The following COPS2 variants were observed in gnomAD, a reference collection of about 807,000 sequenced individuals.
The protein encoded by COPS2 is COP9 signalosome subunit 2, also known as COP9 signalosome complex subunit 2.
Under a neutral mutation model 66.1 loss-of-function variants are expected in COPS2, and 10 were observed. The ratio of observed to expected loss-of-function variants is 0.15; its 90% CI spans 0.09 to 0.26. COPS2 has a LOEUF of 0.26. COPS2 is among the 10% of genes least tolerant of loss of function. The pLI, the probability that COPS2 is intolerant of heterozygous loss-of-function variation, is 1.00. For missense variants in COPS2, 215 were observed against 513.3 expected, an observed-to-expected ratio of 0.42 and a Z score of 5.62; for synonymous variants, 179 against 171.3, an observed-to-expected ratio of 1.04 and a Z score of -0.35.
chr15:49,138,070 A>G (rs780876188), intron 4 of COPS2, among the ~76,000 whole-genome samples: 48 of 152,252 alleles, frequency 3.2e-4, no homozygotes, highest in Non-Finnish European at 6.6e-4. Flanking sequence ...ATAGCTTTTA[A>G]GTCACTGGTA....
intron 6 of COPS2, 31 bp from the exon 7 acceptor site, chr15:49,134,545 G>C (rs1371649922): frequency 6.5e-7 from 1 of 1,528,968 alleles, no homozygotes; most frequent in South Asian, 1.2e-5. Flanking sequence ...CTTTAGACAA[G>C]ATAGAATTCA....
chr15:49,137,480 T>C (rs2084261623), intron 4 of COPS2, 43 bp from the exon 5 acceptor site: 1 of 1,374,402 alleles, frequency 7.3e-7, no homozygotes, highest in African/African-American at 1.4e-5. Flanking sequence ...AACAGCAAAT[T>C]TGTACCTGTT....
rs2084148968 is a variant in COPS2 at position 49,124,451 on chromosome 15, A to T, written c.*3499T>A. ...AGGATGCTGATTTGGGGGAAAAAAA[A>T]ACCTAAAACAATGAAAACTAAAAGA... On this transcript the variant is annotated 3_prime_UTR_variant, in exon 13 of 13. Transcript: ENST00000388901. 1 of 152,076 alleles carries T rather than the reference A, an allele frequency of 6.6e-6. No individual in the cohort carries two copies. The highest frequency in any genetic ancestry group is 2.1e-4 in the South Asian group (1 of 4,824). 9.4% of individuals were successfully genotyped at this position (152,076 alleles called of 1,614,324 possible).
chr15:49,132,910 C>T (rs1174355275), intron 9 of COPS2, among the ~76,000 whole-genome samples: 2 of 151,912 alleles, frequency 1.3e-5, no homozygotes. Flanking sequence ...CAGAATCATT[C>T]AATAAATCTT....
In COPS2 at chr15:49,139,602, G is replaced by A. The variant is rs745372669; in HGVS notation, c.298C>T (p.Arg100Trp). 2 of 1,601,546 alleles carry A rather than the reference G, an allele frequency of 1.2e-6. No individual in the cohort carries two copies. The highest frequency in any genetic ancestry group is 1.7e-5 in the Admixed American group (1 of 59,144). ...NRYKQLLTYI[R>W]SAVTRNYSEK... ...GAATAATTTCTTGTGACTGCACTCC[G>A]AATATAGGTCAATAGCTGCTTATAT... The change falls in exon 4 of 13, where the codon CGG (arginine) becomes TGG (tryptophan). Residue 100 changes from arginine (R) to tryptophan (W), a missense_variant. Arg to Trp is a moderately radical substitution (Grantham distance 101). This residue lies in a region of COPS2 where 90 missense variants were observed against 225.1 expected (regional missense o/e 0.40). Coordinates refer to ENST00000388901, the MANE Select transcript of COPS2 (RefSeq NM_004236.4).
chr15:49,133,182 G>T (rs2084226152), intron 9 of COPS2, among the ~76,000 whole-genome samples: 1 of 151,986 alleles, frequency 6.6e-6, no homozygotes. Flanking sequence ...TAGAGACGGG[G>T]TTTCACCGTG....
At chr15:49,144,853 G>T in intron 2 of COPS2, 112 bp downstream of exon 2, 4 of 600,402 alleles carry the variant, frequency 6.7e-6, no homozygotes, top group Non-Finnish European at 8.6e-6. Flanking sequence ...TAACTGATAG[G>T]ATAATTAAGT....
Position 49,134,400 on chromosome 15 carries a change from C to G in COPS2, c.655G>C (p.Glu219Gln). The change falls in exon 7 of 13, where the codon GAA (glutamate) becomes CAA (glutamine). Residue 219 changes from glutamate (E) to glutamine (Q), a missense_variant. This residue lies in a region of COPS2 where 90 missense variants were observed against 225.1 expected (regional missense o/e 0.40). Coordinates refer to ENST00000388901, the MANE Select transcript of COPS2 (RefSeq NM_004236.4). ...GCAGACTTGATGTGAAGTGACTGTT[C>G]ATAGAGTGCTTTAAGTTTTTTGTTA... ...KNNKKLKALY[E>Q]QSLHIKSAIP... 1.2e-6 allele frequency: 2 copies of G among 1,613,702 alleles called. No individual in the cohort carries two copies.
At chr15:49,133,290 T>C (rs940232052) in intron 9 of COPS2, among the ~76,000 whole-genome samples, 1 of 152,172 alleles carries the variant, frequency 6.6e-6, no homozygotes, top group African/African-American at 2.4e-5. Flanking sequence ...GCCCAGCCTA[T>C]CCATTGTAAA....
At chr15:49,137,663 T>C in intron 4 of COPS2, 1 of 463,964 alleles carries the variant, frequency 2.2e-6, no homozygotes, top group Non-Finnish European at 3.8e-6. Flanking sequence ...CAGAAAATAT[T>C]TCCCCATATA....
At chr15:49,140,504 A>T (rs1186242306) in intron 3 of COPS2, among the ~76,000 whole-genome samples, 2 of 152,114 alleles carry the variant, frequency 1.3e-5, no homozygotes, top group African/African-American at 4.8e-5. Context: ...AAGACCCCCC[A>T]TCTAAGGTTC....
At chr15:49,128,560 T>C in intron 12 of COPS2, 142 bp downstream of exon 12, 1 of 561,336 alleles carries the variant, frequency 1.8e-6, no homozygotes, top group Non-Finnish European at 3.2e-6. Flanking sequence ...CCATCACACA[T>C]ACATATATAT....
chr15:49,142,683 T>TC (rs1406302097), intron 3 of COPS2, among the ~76,000 whole-genome samples: 1 of 152,226 alleles, frequency 6.6e-6, no homozygotes, highest in Non-Finnish European at 1.5e-5. Context: ...TTGTACCTAG[T>TC]CCTATCATCT....
chr15:49,134,558 C>A (rs2084237126), intron 6 of COPS2, 44 bp from the exon 7 acceptor site: 14 of 1,436,428 alleles, frequency 9.7e-6, no homozygotes, highest in Non-Finnish European at 1.3e-5. Context: ...AGAATTCAGA[C>A]AGTAATTCTT....
At position 49,127,732 on chromosome 15, in the gene COPS2, C is replaced by T. The variant is rs2084178417; in HGVS notation, c.*218G>A. 2 of 485,620 alleles carry T rather than the reference C, an allele frequency of 4.1e-6. No homozygotes were observed. Among genetic ancestry groups the T allele is most frequent in the African/African-American group, 3.9e-5 (2 of 51,196 alleles). 30.1% of individuals were successfully genotyped at this position (485,620 alleles called of 1,614,324 possible). On this transcript the variant is annotated 3_prime_UTR_variant, in exon 13 of 13. Transcript: ENST00000388901. ...GGCAAGATGTCAATACAGCATAAAT[C>T]CCATGGTATTTTGGTTTTCTTCTGG...
intron 5 of COPS2, 23 bp downstream of exon 5, chr15:49,137,325 A>C (rs916536879): frequency 1.3e-6 from 2 of 1,566,100 alleles, no homozygotes; most frequent in East Asian, 4.5e-5. Flanking sequence ...TCAAAAGAAA[A>C]GTGTAAGTAT....
chr15:49,131,658 C>A (rs1035122948), intron 9 of COPS2, among the ~76,000 whole-genome samples: 1 of 151,998 alleles, frequency 6.6e-6, no homozygotes, highest in Non-Finnish European at 1.5e-5. Flanking sequence ...AGTCTCCTGG[C>A]AACTGACTAG....
intron 1 of COPS2, among the ~76,000 whole-genome samples, chr15:49,148,718 G>A: frequency 6.6e-6 from 1 of 152,202 alleles, no homozygotes. Flanking sequence ...CAGGAGCTGT[G>A]AAGGCCTGAC....
chr15:49,133,172 TAG>T (rs1389904113), intron 9 of COPS2, among the ~76,000 whole-genome samples: 1 of 152,084 alleles, frequency 6.6e-6, no homozygotes, highest in Non-Finnish European at 1.5e-5. Flanking sequence ...GTATTTTTAG[TAG>T]AGACGGGGTT....
Sources: gnomAD v4.1 joint callset for allele counts (sites outside exome capture counted in the v4.1 genomes callset) on GRCh38, gnomAD v4.1.1 for gene constraint, gnomAD v4.1.1 regional missense constraint, MANE v1.5 for transcripts, NCBI Gene and HGNC (gene_info 2026-07-23, HGNC 2026-07-21) for gene names.